ADRA1A: variants seen among roughly 807,000 people sequenced by gnomAD.
ADRA1A encodes the protein alpha-1A adrenergic receptor.
ADRA1A carries 31 observed loss-of-function variants against 29.6 expected under a neutral mutation model. The ratio of observed to expected loss-of-function variants is 1.05; its 90% CI spans 0.79 to 1.41. The LOEUF (loss-of-function observed/expected upper bound fraction) is 1.41. Ranked by LOEUF, ADRA1A falls within the 40% of genes most tolerant of loss-of-function variation. ADRA1A has a pLI of 0.00. For missense variants in ADRA1A, 619 were observed against 601.1 expected (o/e 1.03, Z -0.31); for synonymous variants, 311 against 254.3 (o/e 1.22, Z -2.12).
At chr8:26,786,743 T>TTG (rs1455681851) in intron 2 of ADRA1A, among the ~76,000 whole-genome samples, 7 of 108,498 alleles carry the variant, frequency 6.5e-5, no homozygotes, top group Non-Finnish European at 1.0e-4. Context: ...CCATGCTGGG[T>TTG]TGGGGGGGGG....
At chr8:26,852,968 GT>G (rs1473143089) in intron 2 of ADRA1A, among the ~76,000 whole-genome samples, 1 of 151,966 alleles carries the variant, frequency 6.6e-6, no homozygotes, top group African/African-American at 2.4e-5. Flanking sequence ...ACCTGATTGA[GT>G]AGAATTTAAT....
Position 26,770,412 on chromosome 8 carries a change from C to T in ADRA1A, c.1138G>A (p.Gly380Arg). The change falls in exon 3 of 3, where the codon GGA (glycine) becomes AGA (arginine). Residue 380 changes from glycine to arginine, a missense_variant. Transcript: ENST00000380573. ...QHKDMVRIPV[G>R]SRETFYRISK... ...ATCCTGTAGAAGGTCTCTCTTGATCCCACGGGGATGCGCACCATGTCCTTG... is the reference window on the plus strand; with the variant it reads ...ATCCTGTAGAAGGTCTCTCTTGATCTCACGGGGATGCGCACCATGTCCTTG... 1.9e-6 allele frequency: 3 copies of T among 1,614,210 alleles called. No homozygotes were observed. In the South Asian group the frequency reaches 3.3e-5, roughly 18 times the overall value.
chr8:26,773,265 A>G (rs1806311123), intron 2 of ADRA1A, among the ~76,000 whole-genome samples: 2 of 152,206 alleles, frequency 1.3e-5, no homozygotes, highest in Admixed American at 1.3e-4. Flanking sequence ...GGGAGTGATA[A>G]AGTGTGCAGC....
At chr8:26,772,838 T>TA (rs1397263461) in intron 2 of ADRA1A, among the ~76,000 whole-genome samples, 2 of 149,608 alleles carry the variant, frequency 1.3e-5, no homozygotes, top group African/African-American at 5.0e-5. Flanking sequence ...CACTCCCTGC[T>TA]AAGTTCCATG....
intron 2 of ADRA1A, among the ~76,000 whole-genome samples, chr8:26,833,866 A>G (rs1198677945): frequency 6.6e-6 from 1 of 152,244 alleles, no homozygotes; most frequent in Admixed American, 6.5e-5. Flanking sequence ...TCAATAGGAT[A>G]TCTTCATGTA....
At chr8:26,763,076 G>C (rs1805593448), downstream of ADRA1A, among the ~76,000 whole-genome samples, 2 of 152,140 alleles carry the variant, frequency 1.3e-5, no homozygotes, top group African/African-American at 4.8e-5. The surrounding 1 kb of genome is among the most constrained non-coding windows in gnomAD (Gnocchi z 4.5). Context: ...AGGAGGAGGA[G>C]GAGGAGGAAG....
downstream of ADRA1A, among the ~76,000 whole-genome samples, chr8:26,763,119 T>C (rs1020851085): frequency 3.3e-5 from 5 of 152,122 alleles, no homozygotes; most frequent in Non-Finnish European, 4.4e-5. This position sits in a 1 kb window ranked among gnomAD's most constrained non-coding sequence, Gnocchi z 4.5. Context: ...TTCTGCATCC[T>C]ATCTGTCATT....
chr8:26,832,034 GCTC>G lies in ADRA1A; in HGVS notation c.883+32050_883+32052del, dbSNP rs1388670465. ...AGGAGCCATCTGAGAATCCAGGGAC[GCTC>G]CTCTGGCCCACCAGCCTTCTCTTCC... On this transcript the variant is annotated intron_variant, in intron 2 of 2. Transcript: ENST00000380573. Among the ~76,000 whole-genome samples the G allele has an allele frequency of 9.8e-5, 15 of 152,346 alleles. No individual in the cohort carries two copies. In the East Asian group the frequency reaches 2.7e-3, roughly 27 times the overall value.
At chr8:26,772,065 G>GAAGA (rs1806200766) in intron 2 of ADRA1A, 1 of 163,004 alleles carries the variant, frequency 6.1e-6, no homozygotes, top group Non-Finnish European at 1.4e-5. Context: ...AGGCCGAGAA[G>GAAGA]AAGAAGGTGG....
In ADRA1A at chr8:26,865,121, G is replaced by T; in HGVS notation, c.-152C>A. 1 of 1,470,250 alleles carries T rather than the reference G, an allele frequency of 6.8e-7. No individual in the cohort carries two copies. The highest frequency in any genetic ancestry group is 8.9e-7 in the Non-Finnish European group (1 of 1,119,920). The allele number at this position is 1,470,250 out of a possible 1,614,324, so 91.1% of individuals were successfully genotyped here. On this transcript the variant is annotated 5_prime_UTR_variant, in exon 2 of 3. Transcript: ENST00000380573. The surrounding 1 kb of genome is among the most constrained non-coding windows in gnomAD (Gnocchi z 7.6). ...GCTGGGGGTGAGAGCGCGCGCGCGG[G>T]TGGGAAACAACCCTGGCCAGCCCTG...
intron 2 of ADRA1A, among the ~76,000 whole-genome samples, chr8:26,862,953 A>G (rs1404905446): frequency 5.9e-5 from 9 of 152,228 alleles, no homozygotes; most frequent in African/African-American, 7.2e-5. Context: ...TGTATAACTC[A>G]CTGAGTTGTC....
At chr8:26,812,969 C>T (rs928456076) in intron 2 of ADRA1A, among the ~76,000 whole-genome samples, 2 of 148,400 alleles carry the variant, frequency 1.3e-5, no homozygotes, top group African/African-American at 2.6e-5. Context: ...CCCGGCCTGC[C>T]TTTTTATAAT....
At position 26,866,847 on chromosome 8, in the gene ADRA1A, GA is replaced by G; in HGVS notation, c.-687+88del. On this transcript the variant is annotated intron_variant, in intron 1 of 2. Transcript: ENST00000380573. The surrounding 1 kb of genome is among the most constrained non-coding windows in gnomAD (Gnocchi z 5.7). ...TGGTGGAAAAAGCGGGAGGCGCTGG[GA>G]AAAGTGGGGGTTCCGTCTCACCAGA... 1 of 985,388 alleles carries G rather than the reference GA, an allele frequency of 1.0e-6. No individual in the cohort carries two copies. The highest frequency in any genetic ancestry group is 1.2e-6 in the Non-Finnish European group (1 of 829,950). 61.0% of individuals were successfully genotyped at this position (985,388 alleles called of 1,614,324 possible).
chr8:26,844,109 C>T (rs988706912), intron 2 of ADRA1A, among the ~76,000 whole-genome samples: 1 of 152,134 alleles, frequency 6.6e-6, no homozygotes, highest in Admixed American at 6.5e-5. Context: ...TAAAGGTCAT[C>T]TGGATCATAT....
chr8:26,858,864 G>A (rs1813234069), intron 2 of ADRA1A, among the ~76,000 whole-genome samples: 1 of 152,198 alleles, frequency 6.6e-6, no homozygotes, highest in African/African-American at 2.4e-5. Context: ...AATGGAACAA[G>A]ATTAGCAAGA....
chr8:26,764,079 A>G (rs1249906388), downstream of ADRA1A, among the ~76,000 whole-genome samples: 2 of 152,000 alleles, frequency 1.3e-5, no homozygotes, highest in East Asian at 1.9e-4. Context: ...TAAGCTGGGG[A>G]CTCTCTGTGC....
At chr8:26,765,715 T>G, downstream of ADRA1A, 1 of 899,852 alleles carries the variant, frequency 1.1e-6, no homozygotes, top group Non-Finnish European at 1.4e-6. Flanking sequence ...CCTTTGCTAA[T>G]GAGCAGAGCT....
chr8:26,867,012 T>G lies in ADRA1A; in HGVS notation c.-763A>C, dbSNP rs1813953018. ...GCTTCGGTCCCGGGAGCTGCCTGCC[T>G]GCTCTTCTCTGGAGGCGGAGAGGGG... On this transcript the variant is annotated 5_prime_UTR_variant, in exon 1 of 3. Transcript: ENST00000380573. 1 of 985,248 alleles carries G rather than the reference T, an allele frequency of 1.0e-6. No homozygotes were observed. Among genetic ancestry groups the G allele is most frequent in the Admixed American group, 6.1e-5 (1 of 16,266 alleles). The allele number at this position is 985,248 out of a possible 1,614,324, so 61.0% of individuals were successfully genotyped here.
Position 26,864,628 on chromosome 8 carries a change from G to A in ADRA1A, c.342C>T (p.Ile114=), listed in dbSNP as rs1252710846. The change falls in exon 2 of 3, where the codon ATC becomes ATT. Residue 114 remains isoleucine (I), a synonymous_variant. Transcript: ENST00000380573. This position sits in a 1 kb window ranked among gnomAD's most constrained non-coding sequence, Gnocchi z 8.1. ...AVDVLCCTAS[I]MGLCIISIDR... The stretch of plus-strand genomic sequence containing the variant: ...CGATGGAGATGATGCAGAGGCCCAT[G>A]ATGGACGCGGTGCAGCACAGCACAT... The A allele has an allele frequency of 1.2e-6, 2 of 1,614,070 alleles. No homozygotes were observed. Among genetic ancestry groups the A allele is most frequent in the Non-Finnish European group, 1.7e-6 (2 of 1,180,048 alleles).
Sources: gnomAD v4.1 joint callset for allele counts (sites outside exome capture counted in the v4.1 genomes callset) on GRCh38, gnomAD v4.1.1 for gene constraint, Gnocchi (gnomAD v3.1) non-coding constraint, MANE v1.5 for transcripts, NCBI Gene and HGNC (gene_info 2026-07-23, HGNC 2026-07-21) for gene names.